Variants in NELL1 observed in about 807,000 individuals in gnomAD.
The protein encoded by NELL1 is protein kinase C-binding protein NELL1.
Under a neutral mutation model 107.4 loss-of-function variants are expected in NELL1, and 76 were observed. That is an observed-to-expected ratio of 0.71 (90% CI 0.59 to 0.86). NELL1 has a LOEUF of 0.86. NELL1 is among the 40% of genes least tolerant of loss of function. The probability of loss-of-function intolerance (pLI) is 0.00; values close to 1 mark genes in which losing one functional copy is unlikely to be tolerated. For missense variants in NELL1, 1,024 were observed against 1,005.5 expected (o/e 1.02, Z -0.25); for synonymous variants, 353 against 341.2 (o/e 1.03, Z -0.38).
At chr11:21,316,390 A>C (rs532959959) in intron 14 of NELL1, among the ~76,000 whole-genome samples, 1 of 152,312 alleles carries the variant, frequency 6.6e-6, no homozygotes, top group Non-Finnish European at 1.5e-5. Context: ...ACAATTTTTG[A>C]AAACACTTAA....
intron 13 of NELL1, among the ~76,000 whole-genome samples, chr11:21,146,858 A>G (rs750745647): frequency 2.0e-5 from 3 of 152,168 alleles, no homozygotes; most frequent in Non-Finnish European, 2.9e-5. Context: ...AGCCTGACCA[A>G]TATAGTGAAA....
intron 14 of NELL1, among the ~76,000 whole-genome samples, chr11:21,342,874 T>C (rs534309993): frequency 1.8e-4 from 28 of 152,224 alleles, no homozygotes; most frequent in Non-Finnish European, 2.9e-4. Flanking sequence ...TTTCCATTAC[T>C]CTTTATATCA....
chr11:21,283,823 G>A (rs1011809938), intron 14 of NELL1: 19 of 200,350 alleles, frequency 9.5e-5, no homozygotes, highest in Admixed American at 6.4e-4. Context: ...CTCTGTGAAG[G>A]CAATTTTCCA....
chr11:21,095,063 A>C (rs1165815667), intron 12 of NELL1, among the ~76,000 whole-genome samples: 1 of 152,212 alleles, frequency 6.6e-6, no homozygotes, highest in African/African-American at 2.4e-5. Context: ...GCAGCAGCCA[A>C]GTCACCTCTT....
At chr11:21,307,770 AGAGAG>A (rs1242188037) in intron 14 of NELL1, among the ~76,000 whole-genome samples, 2 of 152,006 alleles carry the variant, frequency 1.3e-5, no homozygotes, top group African/African-American at 4.8e-5. Flanking sequence ...CTCTTTCAAA[AGAGAG>A]GCCTATATGA....
At position 21,048,967 on chromosome 11, in the gene NELL1, T is replaced by C. The variant is rs374411104; in HGVS notation, c.1301-64622T>C. Among the ~76,000 whole-genome samples, 29 of 152,156 alleles carry C rather than the reference T, an allele frequency of 1.9e-4. No individual in the cohort carries two copies. In the East Asian group the frequency reaches 2.9e-3, roughly 15 times the overall value. Reference sequence around the variant, plus strand: ...AATTTATTGGGGGGTCTTCTCAAGATCGATATCTGTGAAAAAAATGGAAGA... The same window carrying C: ...AATTTATTGGGGGGTCTTCTCAAGACCGATATCTGTGAAAAAAATGGAAGA... On this transcript the variant is annotated intron_variant, in intron 12 of 19. Coordinates refer to ENST00000357134, the MANE Select transcript of NELL1 (RefSeq NM_006157.5).
chr11:20,716,258 G>A (rs1729692107), intron 2 of NELL1, among the ~76,000 whole-genome samples: 1 of 152,184 alleles, frequency 6.6e-6, no homozygotes, highest in African/African-American at 2.4e-5. Context: ...ATTGACCCCT[G>A]GGTATATCAC....
intron 14 of NELL1, among the ~76,000 whole-genome samples, chr11:21,230,560 T>G (rs541846693): frequency 6.6e-6 from 1 of 152,314 alleles, no homozygotes; most frequent in African/African-American, 2.4e-5. Flanking sequence ...TATCCTTATT[T>G]TAGAAGTGAT....
At chr11:21,093,665 G>A (rs947298497) in intron 12 of NELL1, among the ~76,000 whole-genome samples, 10 of 152,284 alleles carry the variant, frequency 6.6e-5, no homozygotes, top group East Asian at 5.8e-4. Flanking sequence ...TAATCATAGC[G>A]GAAGGCAATG....
At chr11:21,150,663 T>C (rs1856094305) in intron 13 of NELL1, among the ~76,000 whole-genome samples, 1 of 152,154 alleles carries the variant, frequency 6.6e-6, no homozygotes, top group South Asian at 2.1e-4. Flanking sequence ...ATTTGAATCA[T>C]CTGGGGTGGG....
In NELL1 at chr11:21,486,492, A is replaced by G. The variant is rs1466494988; in HGVS notation, c.1646-47882A>G. On this transcript the variant is annotated intron_variant, in intron 15 of 19. Coordinates refer to ENST00000357134, the MANE Select transcript of NELL1 (RefSeq NM_006157.5). The stretch of plus-strand genomic sequence containing the variant: ...TCAGCAAAAAGCCTTCTCCTATGAA[A>G]GCAAGTTCAAAAAAATAGAAGTGAC... Among the ~76,000 whole-genome samples, 3 of 152,368 alleles carry G rather than the reference A, an allele frequency of 2.0e-5. No individual in the cohort carries two copies. The South Asian group carries it at 6.2e-4, about 32-fold the overall frequency.
At chr11:20,993,418 G>C (rs1185348064) in intron 12 of NELL1, among the ~76,000 whole-genome samples, 1 of 152,110 alleles carries the variant, frequency 6.6e-6, no homozygotes, top group Non-Finnish European at 1.5e-5. Flanking sequence ...GCTTTTGTTG[G>C]AAGCATCCCA....
chr11:21,255,003 C>T (rs1317783506), intron 14 of NELL1, among the ~76,000 whole-genome samples: 4 of 152,058 alleles, frequency 2.6e-5, no homozygotes, highest in Non-Finnish European at 5.9e-5. Flanking sequence ...AAATGACAGA[C>T]ATGCTGGGCT....
intron 15 of NELL1, among the ~76,000 whole-genome samples, chr11:21,462,531 G>C (rs1853924413): frequency 6.6e-6 from 1 of 152,052 alleles, no homozygotes; most frequent in Non-Finnish European, 1.5e-5. Context: ...TAAGCAATGG[G>C]TTTATATTTT....
intron 13 of NELL1, among the ~76,000 whole-genome samples, chr11:21,129,139 G>A (rs369901620): frequency 1.1e-4 from 16 of 151,862 alleles, no homozygotes; most frequent in Admixed American, 2.6e-4. Context: ...TTTCTTTACC[G>A]TTTACATTTG....
chr11:21,503,424 C>T (rs898167584), intron 15 of NELL1, among the ~76,000 whole-genome samples: 3 of 152,160 alleles, frequency 2.0e-5, no homozygotes, highest in South Asian at 4.1e-4. Flanking sequence ...ATGTGTTTCT[C>T]ATTAAATAAA....
intron 10 of NELL1, among the ~76,000 whole-genome samples, chr11:20,945,869 G>A (rs1564980084): frequency 6.6e-6 from 1 of 152,142 alleles, no homozygotes; most frequent in African/African-American, 2.4e-5. Flanking sequence ...TAGCAGGATC[G>A]ATTCTCAGGT....
chr11:20,784,491 G>C (rs182968494), intron 3 of NELL1, among the ~76,000 whole-genome samples: 82 of 152,270 alleles, frequency 5.4e-4, no homozygotes, highest in African/African-American at 1.8e-3. Context: ...GGGTAGGTAA[G>C]TCGTTGGAAC....
chr11:20,928,022 G>T (rs560802393), intron 8 of NELL1, among the ~76,000 whole-genome samples: 2 of 152,310 alleles, frequency 1.3e-5, no homozygotes, highest in East Asian at 3.9e-4. Context: ...GAATGCCATT[G>T]TTTGTCTAGG....
Sources: gnomAD v4.1 joint callset for allele counts (sites outside exome capture counted in the v4.1 genomes callset) on GRCh38, gnomAD v4.1.1 for gene constraint, MANE v1.5 for transcripts, NCBI Gene and HGNC (gene_info 2026-07-23, HGNC 2026-07-21) for gene names.